Variants in TMEM132C observed in about 807,000 individuals in gnomAD.
TMEM132C encodes the protein protein phosphatase 1, regulatory subunit 152.
Under a neutral mutation model 61.4 loss-of-function variants are expected in TMEM132C, and 29 were observed. The observed-to-expected ratio is 0.47, with a 90% confidence interval of 0.35 to 0.64. The LOEUF is 0.64. Ranked by LOEUF, TMEM132C falls within the 30% of genes least tolerant of loss-of-function variation. The probability of loss-of-function intolerance (pLI) is 0.00; values close to 1 mark genes in which losing one functional copy is unlikely to be tolerated. For synonymous variants in TMEM132C, 656 were observed against 633.1 expected (o/e 1.04, Z -0.54); for missense variants, 1,408 against 1,476.9 (o/e 0.95, Z 0.76).
chr12:128,383,891 T>C (rs1029652617), intron 1 of TMEM132C, among the ~76,000 whole-genome samples: 3 of 152,346 alleles, frequency 2.0e-5, no homozygotes, highest in East Asian at 3.9e-4. Flanking sequence ...AGGATAGTTA[T>C]GGATTATCTA....
intron 4 of TMEM132C, among the ~76,000 whole-genome samples, chr12:128,642,606 C>A (rs1954166283): frequency 6.6e-6 from 1 of 152,188 alleles, no homozygotes. Context: ...CCTCTCTCGC[C>A]ATGTGATGCC....
intron 1 of TMEM132C, among the ~76,000 whole-genome samples, chr12:128,334,691 G>GA (rs1872749762): frequency 1.3e-5 from 2 of 151,934 alleles, no homozygotes; most frequent in South Asian, 4.2e-4. Context: ...TGCCTCCTGG[G>GA]TTCATGCCAT....
At chr12:128,419,026 C>G (rs549672668) in intron 2 of TMEM132C, among the ~76,000 whole-genome samples, 1 of 152,028 alleles carries the variant, frequency 6.6e-6, no homozygotes, top group Admixed American at 6.6e-5. Flanking sequence ...CAACCATGAC[C>G]ATTTGCCAGG....
chr12:128,574,460 G>C (rs1246912205), intron 3 of TMEM132C, among the ~76,000 whole-genome samples: 1 of 152,230 alleles, frequency 6.6e-6, no homozygotes, highest in African/African-American at 2.4e-5. Flanking sequence ...GGCTGGAGCA[G>C]GTGAAGCCAC....
intron 3 of TMEM132C, among the ~76,000 whole-genome samples, chr12:128,550,764 G>C (rs932253030): frequency 3.3e-5 from 5 of 152,218 alleles, no homozygotes; most frequent in Non-Finnish European, 7.3e-5. Context: ...AATTCAGTCT[G>C]TAATCATGGG....
chr12:128,457,920 T>G (rs1053807019), intron 2 of TMEM132C, among the ~76,000 whole-genome samples: 4 of 152,154 alleles, frequency 2.6e-5, no homozygotes, highest in African/African-American at 7.2e-5. Context: ...AGTCCCTGTT[T>G]TGCACTGCCG....
At chr12:128,499,274 A>G (rs1352320815) in intron 2 of TMEM132C, among the ~76,000 whole-genome samples, 1 of 152,178 alleles carries the variant, frequency 6.6e-6, no homozygotes, top group African/African-American at 2.4e-5. Context: ...GTTTTTAATT[A>G]TTCTGGATAC....
intron 4 of TMEM132C, among the ~76,000 whole-genome samples, chr12:128,662,579 T>G (rs1471678598): frequency 6.6e-6 from 1 of 152,152 alleles, no homozygotes; most frequent in African/African-American, 2.4e-5. Flanking sequence ...GGCTGAATCA[T>G]GTATGGGCTA....
chr12:128,499,024 A>C (rs1375619101), intron 2 of TMEM132C, among the ~76,000 whole-genome samples: 1 of 152,154 alleles, frequency 6.6e-6, no homozygotes, highest in Non-Finnish European at 1.5e-5. Context: ...GAAATTGTCA[A>C]ACTGATCTGA....
At chr12:128,379,648 C>G (rs1195950799) in intron 1 of TMEM132C, among the ~76,000 whole-genome samples, 2 of 152,196 alleles carry the variant, frequency 1.3e-5, no homozygotes, top group African/African-American at 2.4e-5. Flanking sequence ...TGCATCTTTT[C>G]TTCCTCTGGA....
intron 2 of TMEM132C, among the ~76,000 whole-genome samples, chr12:128,435,687 G>C (rs1869564720): frequency 6.6e-6 from 1 of 152,148 alleles, no homozygotes; most frequent in Non-Finnish European, 1.5e-5. Context: ...CTCATGGATA[G>C]GAAGAATCAA....
intron 6 of TMEM132C, 68 bp downstream of exon 6, chr12:128,694,102 A>G (rs1954739805): frequency 2.0e-6 from 3 of 1,475,320 alleles, no homozygotes; most frequent in Non-Finnish European, 1.8e-6. Flanking sequence ...TTAACACTAA[A>G]GGACCCAATG....
chr12:128,668,887 T>C (rs1954502984), intron 4 of TMEM132C, among the ~76,000 whole-genome samples: 1 of 152,212 alleles, frequency 6.6e-6, no homozygotes, highest in South Asian at 2.1e-4. Flanking sequence ...ATAAGGACTT[T>C]AGGATGACTG....
At chr12:128,283,344 A>G (rs1445453218) in intron 1 of TMEM132C, among the ~76,000 whole-genome samples, 2 of 152,158 alleles carry the variant, frequency 1.3e-5, no homozygotes, top group Non-Finnish European at 2.9e-5. Context: ...GAATCAGTTC[A>G]GTTGCTTTTA....
At chr12:128,333,887 TTG>T (rs1565904101) in intron 1 of TMEM132C, among the ~76,000 whole-genome samples, 1 of 150,010 alleles carries the variant, frequency 6.7e-6, no homozygotes, top group African/African-American at 2.5e-5. Context: ...AGTGTGTGCC[TTG>T]TGTGGTGTGT....
At chr12:128,398,342 C>T (rs1175247961) in intron 1 of TMEM132C, among the ~76,000 whole-genome samples, 1 of 152,232 alleles carries the variant, frequency 6.6e-6, no homozygotes, top group Non-Finnish European at 1.5e-5. Context: ...CTACCAAGGA[C>T]TGACACTCTC....
chr12:128,609,664 C>G (rs1242350213), intron 3 of TMEM132C, among the ~76,000 whole-genome samples: 1 of 152,132 alleles, frequency 6.6e-6, no homozygotes, highest in East Asian at 1.9e-4. Flanking sequence ...TGTTATCCCA[C>G]ACCCTGAACT....
chr12:128,702,374 T>G (rs1033668892), intron 8 of TMEM132C, among the ~76,000 whole-genome samples: 1 of 152,168 alleles, frequency 6.6e-6, no homozygotes, highest in Non-Finnish European at 1.5e-5. Flanking sequence ...TGTATTATTA[T>G]GAAATGTTAT....
intron 2 of TMEM132C, among the ~76,000 whole-genome samples, chr12:128,514,754 A>G (rs939961982): frequency 1.3e-5 from 2 of 152,316 alleles, no homozygotes; most frequent in African/African-American, 4.8e-5. Context: ...CACAGATGGC[A>G]CAGATTTGCC....
Sources: gnomAD v4.1 joint callset for allele counts (sites outside exome capture counted in the v4.1 genomes callset) on GRCh38, gnomAD v4.1.1 for gene constraint, MANE v1.5 for transcripts, NCBI Gene and HGNC (gene_info 2026-07-23, HGNC 2026-07-21) for gene names.